The following SLC14A2 variants were observed in gnomAD, a reference collection of about 807,000 sequenced individuals.
SLC14A2 encodes the protein urea transporter 2.
SLC14A2 carries 91 observed loss-of-function variants against 104.6 expected under a neutral mutation model. That is an observed-to-expected ratio of 0.87 (90% CI 0.73 to 1.04). The LOEUF (loss-of-function observed/expected upper bound fraction) is 1.04. Ranked by LOEUF, SLC14A2 falls within the 50% of genes least tolerant of loss-of-function variation. SLC14A2 has a pLI of 0.00. For synonymous variants in SLC14A2, 476 were observed against 466.4 expected (o/e 1.02, Z -0.27); for missense variants, 1,189 against 1,156.0 (o/e 1.03, Z -0.41).
chr18:45,279,202 A>G (rs59102262), intron 1 of SLC14A2, among the ~76,000 whole-genome samples: 4,071 of 152,324 alleles, frequency 0.027, 188 homozygotes, highest in African/African-American at 0.093. Flanking sequence ...ACATGCCGAC[A>G]GCAGTAACAG....
At chr18:45,420,832 C>G (rs1424067145) in intron 1 of SLC14A2, among the ~76,000 whole-genome samples, 1 of 151,732 alleles carries the variant, frequency 6.6e-6, no homozygotes, top group Non-Finnish European at 1.5e-5. Context: ...CCTCCGCCTC[C>G]CGGGTTCAAG....
chr18:45,175,631 AG>A, the SLC14A2 span, among the ~76,000 whole-genome samples: 15 of 152,152 alleles, frequency 9.9e-5, no homozygotes, highest in African/African-American at 3.4e-4. Flanking sequence ...GGTGACAGGC[AG>A]AAAAAAAAAT....
chr18:45,444,241 T>C (rs751640389), intron 1 of SLC14A2, among the ~76,000 whole-genome samples: 1 of 152,218 alleles, frequency 6.6e-6, no homozygotes, highest in Non-Finnish European at 1.5e-5. Flanking sequence ...GAGCTCTGGC[T>C]AGGGAGTCTG....
At chr18:45,564,768 A>G (rs1312876891) in intron 2 of SLC14A2, among the ~76,000 whole-genome samples, 2 of 152,314 alleles carry the variant, frequency 1.3e-5, no homozygotes, top group East Asian at 1.9e-4. Flanking sequence ...AAGCATCATT[A>G]TCATGACAGG....
At chr18:45,170,309 G>A in the SLC14A2 span, among the ~76,000 whole-genome samples, 10 of 152,148 alleles carry the variant, frequency 6.6e-5, no homozygotes, top group African/African-American at 2.4e-4. Context: ...GACAGAAGCA[G>A]AAGGGCAGGC....
At chr18:45,476,697 C>T (rs1312061615) in intron 1 of SLC14A2, among the ~76,000 whole-genome samples, 2 of 152,164 alleles carry the variant, frequency 1.3e-5, no homozygotes, top group African/African-American at 4.8e-5. Context: ...TCCTTTTTCT[C>T]TAATCTTGTC....
At chr18:45,235,798 T>C (rs149489473) in intron 1 of SLC14A2, among the ~76,000 whole-genome samples, 2,319 of 112,392 alleles carry the variant, frequency 0.021, 148 homozygotes, top group Admixed American at 0.085. Flanking sequence ...TGTATGCGCG[T>C]GTGTGTGTGT....
chr18:45,520,953 A>C (rs2043508622), intron 2 of SLC14A2, among the ~76,000 whole-genome samples: 1 of 152,186 alleles, frequency 6.6e-6, no homozygotes, highest in African/African-American at 2.4e-5. Flanking sequence ...CTTCCCCAGC[A>C]GTGGGAATGG....
intron 1 of SLC14A2, among the ~76,000 whole-genome samples, chr18:45,248,734 T>C (rs1370646694): frequency 1.3e-5 from 2 of 152,196 alleles, no homozygotes; most frequent in East Asian, 3.9e-4. Context: ...GGAAGTGACT[T>C]GGATGTTTGA....
At chr18:45,306,086 G>T (rs1004629053) in intron 1 of SLC14A2, among the ~76,000 whole-genome samples, 1 of 152,100 alleles carries the variant, frequency 6.6e-6, no homozygotes, top group Non-Finnish European at 1.5e-5. Flanking sequence ...GAACAGCCGC[G>T]TCTTCCTTTC....
At chr18:45,595,473 ACTT>A (rs1487885678) in intron 2 of SLC14A2, among the ~76,000 whole-genome samples, 67 of 151,874 alleles carry the variant, frequency 4.4e-4, no homozygotes, top group African/African-American at 1.6e-3. Flanking sequence ...CAAACCCCAC[ACTT>A]TTGCCACTGC....
At chr18:45,583,035 G>T (rs373439331) in intron 2 of SLC14A2, among the ~76,000 whole-genome samples, 6 of 152,334 alleles carry the variant, frequency 3.9e-5, no homozygotes, top group African/African-American at 1.4e-4. Context: ...AGGCTTCAAG[G>T]TTAGATGTTC....
At chr18:45,315,175 A>C (rs2085116932) in intron 1 of SLC14A2, among the ~76,000 whole-genome samples, 1 of 152,174 alleles carries the variant, frequency 6.6e-6, no homozygotes, top group Non-Finnish European at 1.5e-5. Context: ...GGGAACCTAC[A>C]GGGGCCTCCA....
upstream of SLC14A2, among the ~76,000 whole-genome samples, chr18:45,211,428 G>A (rs1051281864): frequency 6.6e-6 from 1 of 152,158 alleles, no homozygotes; most frequent in Non-Finnish European, 1.5e-5. Context: ...GTGCAAGGCA[G>A]GTATTTCAAA....
At chr18:45,430,143 T>C (rs1388480761) in intron 1 of SLC14A2, among the ~76,000 whole-genome samples, 2 of 152,232 alleles carry the variant, frequency 1.3e-5, no homozygotes, top group Non-Finnish European at 2.9e-5. Flanking sequence ...GTTATAACTT[T>C]GGGAAAGGTC....
chr18:45,284,094 A>G (rs1173892374), intron 1 of SLC14A2, among the ~76,000 whole-genome samples: 1 of 152,262 alleles, frequency 6.6e-6, no homozygotes, highest in Non-Finnish European at 1.5e-5. Flanking sequence ...ATGTGACTGT[A>G]AAAAATTTAA....
At chr18:45,549,617 G>A (rs1038157570) in intron 2 of SLC14A2, among the ~76,000 whole-genome samples, 2 of 152,222 alleles carry the variant, frequency 1.3e-5, no homozygotes, top group Admixed American at 1.3e-4. Flanking sequence ...CTTATGTGGA[G>A]GCAAAAATGC....
chr18:45,321,277 A>G (rs530832034), intron 1 of SLC14A2, among the ~76,000 whole-genome samples: 155 of 152,330 alleles, frequency 1.0e-3, no homozygotes, highest in African/African-American at 3.5e-3. Context: ...AGGCTCAACA[A>G]CCACAACAAG....
At chr18:45,408,123 C>A (rs17823562) in intron 1 of SLC14A2, among the ~76,000 whole-genome samples, 57,739 of 151,916 alleles carry the variant, frequency 0.38, 13,151 homozygotes, top group Non-Finnish European at 0.5. Flanking sequence ...GGTTGAAATC[C>A]ATTTGGTGGA....
Sources: allele counts gnomAD v4.1 joint callset (sites outside exome capture counted in the v4.1 genomes callset), GRCh38; gene constraint gnomAD v4.1.1; transcripts MANE v1.5; gene names NCBI Gene and HGNC (gene_info 2026-07-23, HGNC 2026-07-21).